SCN1A: variants seen among roughly 807,000 people sequenced by gnomAD.
SCN1A encodes sodium channel protein type 1 subunit alpha.
A neutral mutation model predicts 193.7 loss-of-function variants in SCN1A; 13 were observed. The ratio of observed to expected loss-of-function variants is 0.07; its 90% CI spans 0.04 to 0.11. The LOEUF (loss-of-function observed/expected upper bound fraction) is 0.11. Among genes scored for constraint, SCN1A ranks in the 10% least tolerant of loss-of-function variants. The pLI is 1.00. For missense variants in SCN1A, 1,432 were observed against 2,451.1 expected (o/e 0.58, Z 8.78); for synonymous variants, 781 against 843.6 (o/e 0.93, Z 1.29).
At chr2:166,017,496 A>T (rs1185520927) in intron 19 of SCN1A, among the ~76,000 whole-genome samples, 5 of 152,048 alleles carry the variant, frequency 3.3e-5, no homozygotes, top group African/African-American at 1.2e-4. Flanking sequence ...ACACAGATTC[A>T]TCATTTGGCC....
In SCN1A at chr2:166,036,427, T is replaced by G. The variant is rs1222978687; in HGVS notation, c.3050A>C (p.Asp1017Ala). ...ATAAGCTACTCCTTTGTGCATCCTA[T>G]CCACAGCAATTTGGAGATTATTCAT... Reference protein sequence around the residue: ...NEMNNLQIAVDRMHKGVAYVK... With the variant: ...NEMNNLQIAVARMHKGVAYVK... Residue 1017 changes from aspartate to alanine, a missense_variant, in exon 19 of 29, where the codon GAT becomes GCT. This residue lies in a region of SCN1A where 198 missense variants were observed against 225.8 expected (regional missense o/e 0.88). Transcript: ENST00000674923. 1 of 1,606,826 alleles carries G rather than the reference T, an allele frequency of 6.2e-7. No individual in the cohort carries two copies. Among genetic ancestry groups the G allele is most frequent in the Non-Finnish European group, 8.5e-7 (1 of 1,177,898 alleles).
Position 165,988,929 on chromosome 2 carries a change from A to G in SCN1A, c.*2316T>C, listed in dbSNP as rs1688776574. On this transcript the variant is annotated 3_prime_UTR_variant, in exon 29 of 29. Transcript: ENST00000674923. ...CCTCTGACACCAGTTCTTCCTCCTA[A>G]CAGAGAACACACCTGCTGCTTGTAA... 6.6e-6 allele frequency: 1 copy of G among 152,154 alleles called. No individual in the cohort carries two copies. The highest frequency in any genetic ancestry group is 6.6e-5 in the Admixed American group (1 of 15,214). The allele number at this position is 152,154 out of a possible 1,614,324, so 9.4% of individuals were successfully genotyped here.
intron 19 of SCN1A, among the ~76,000 whole-genome samples, chr2:166,032,056 T>A (rs1695628875): frequency 6.6e-6 from 1 of 152,070 alleles, no homozygotes; most frequent in Non-Finnish European, 1.5e-5. Flanking sequence ...AATGATGCAT[T>A]GTAGATAAGT....
At chr2:166,104,058 C>T (rs536536893) in intron 2 of SCN1A, among the ~76,000 whole-genome samples, 1 of 152,160 alleles carries the variant, frequency 6.6e-6, no homozygotes, top group Non-Finnish European at 1.5e-5. Context: ...AATAAAAGAA[C>T]CACTGAGTGA....
In SCN1A at chr2:165,987,940, A is replaced by G. The variant is rs1006269026; in HGVS notation, c.*3305T>C. The G allele has an allele frequency of 2.0e-5, 3 of 152,004 alleles. No homozygotes were observed. Among genetic ancestry groups the G allele is most frequent in the African/African-American group, 7.2e-5 (3 of 41,382 alleles). The allele number at this position is 152,004 out of a possible 1,614,324, so 9.4% of individuals were successfully genotyped here. ...TTTTTTTCAGCTACTAATATATCAG[A>G]ATTAATTGTTGTGTTGCTTTAGGAT... On this transcript the variant is annotated 3_prime_UTR_variant, in exon 29 of 29. Coordinates refer to ENST00000674923, the MANE Select transcript of SCN1A (RefSeq NM_001165963.4).
intron 5 of SCN1A, among the ~76,000 whole-genome samples, chr2:166,058,242 A>C (rs1699314775): frequency 6.6e-6 from 1 of 152,118 alleles, no homozygotes; most frequent in Admixed American, 6.6e-5. Context: ...CTACACCATC[A>C]CAAACTTTGT....
intron 2 of SCN1A, among the ~76,000 whole-genome samples, chr2:166,082,165 A>G (rs1328618683): frequency 6.6e-6 from 1 of 152,036 alleles, no homozygotes; most frequent in Non-Finnish European, 1.5e-5. Flanking sequence ...GATTTAAAAA[A>G]CAGAGATTAG....
intron 4 of SCN1A, among the ~76,000 whole-genome samples, chr2:166,064,066 G>A (rs1329868883): frequency 6.6e-6 from 1 of 151,940 alleles, no homozygotes; most frequent in Non-Finnish European, 1.5e-5. Context: ...TAATAACCCT[G>A]GTAATTAACA....
At chr2:165,996,775 A>G (rs963382035) in intron 26 of SCN1A, among the ~76,000 whole-genome samples, 3 of 151,346 alleles carry the variant, frequency 2.0e-5, no homozygotes, top group Non-Finnish European at 3.0e-5. Context: ...TTGAGGGGAG[A>G]ATGTTCTGTA....
At chr2:166,046,733 G>C in intron 12 of SCN1A, 37 bp downstream of exon 12, 1 of 1,598,582 alleles carries the variant, frequency 6.3e-7, no homozygotes, top group Non-Finnish European at 8.6e-7. Context: ...CAATCAGAAC[G>C]ATAAAAGGTC....
At chr2:166,020,688 G>C (rs886077462) in intron 19 of SCN1A, among the ~76,000 whole-genome samples, 1 of 152,030 alleles carries the variant, frequency 6.6e-6, no homozygotes, top group Admixed American at 6.5e-5. Flanking sequence ...CCCCCACATA[G>C]ATACATGTAC....
chr2:166,002,833 G>C (rs1390707596), intron 23 of SCN1A, 80 bp from the exon 24 acceptor site: 2 of 1,167,218 alleles, frequency 1.7e-6, no homozygotes, highest in Non-Finnish European at 2.4e-6. Flanking sequence ...GTAATCTCTG[G>C]TCTTTCCATT....
At position 165,996,079 on chromosome 2, in the gene SCN1A, C is replaced by A; in HGVS notation, c.4515G>T (p.Lys1505Asn). 6.2e-7 allele frequency: 1 copy of A among 1,608,374 alleles called. No individual in the cohort carries two copies. The change falls in exon 27 of 29, where the codon AAG becomes AAT. Residue 1505 changes from lysine (K) to asparagine (N), a missense_variant. Lys to Asn is a moderately conservative substitution (Grantham distance 94). Coordinates refer to ENST00000674923, the MANE Select transcript of SCN1A (RefSeq NM_001165963.4). ...GQDIFMTEEQ[K>N]KYYNAMKKLG... Reference sequence around the variant, plus strand: ...ATTTTTTCATTGCATTATAGTATTTCTTCTGTTCTTCTGTCATAAAGATGT... The same window carrying A: ...ATTTTTTCATTGCATTATAGTATTTATTCTGTTCTTCTGTCATAAAGATGT...
chr2:166,068,772 A>G (rs9287864), intron 4 of SCN1A, among the ~76,000 whole-genome samples: 43,071 of 152,074 alleles, frequency 0.28, 6,460 homozygotes, highest in Non-Finnish European at 0.34. Flanking sequence ...ATAGCAAGAG[A>G]GAATAAGTTA....
At chr2:166,006,237 C>A (rs1195113598) in intron 23 of SCN1A, among the ~76,000 whole-genome samples, 1 of 151,188 alleles carries the variant, frequency 6.6e-6, no homozygotes, top group Non-Finnish European at 1.5e-5. Context: ...ATAATAGAAT[C>A]TTTCTTAAAA....
chr2:166,030,896 A>G (rs1432419577), intron 19 of SCN1A, among the ~76,000 whole-genome samples: 1 of 152,118 alleles, frequency 6.6e-6, no homozygotes, highest in Non-Finnish European at 1.5e-5. Context: ...GGGAGATAAG[A>G]TTTTATATTG....
Position 166,054,720 on chromosome 2 carries a change from T to C in SCN1A, c.520A>G (p.Ile174Val). ...IYTFESLIKI[I>V]ARGFCLEDFT... is the part of the protein sequence containing the mutation. ...TCTTCTAAACAGAATCCCCTTGCAA[T>C]AATTTTTATAAGTGATTCAAAAGTA... Residue 174 changes from isoleucine to valine, a missense_variant, in exon 7 of 29, where the codon ATT becomes GTT. Physicochemically the swap from Ile to Val is conservative, Grantham distance 29. Around this residue, in one of 18 missense-constraint regions of SCN1A, gnomAD observed 123 missense variants for 282.8 expected, o/e 0.43. Transcript: ENST00000674923. 3 of 1,611,410 alleles carry C rather than the reference T, an allele frequency of 1.9e-6. No homozygotes were observed. The highest frequency in any genetic ancestry group is 2.5e-6 in the Non-Finnish European group (3 of 1,178,132).
intron 1 of SCN1A, chr2:166,137,620 C>T (rs1353138393): frequency 1.3e-5 from 2 of 152,316 alleles, no homozygotes; most frequent in African/African-American, 2.4e-5. Context: ...TGAAGCCTCC[C>T]CAGCCATTTG....
chr2:166,002,376 T>A (rs1331032966), intron 24 of SCN1A, 96 bp downstream of exon 24: 1 of 1,269,504 alleles, frequency 7.9e-7, no homozygotes, highest in African/African-American at 1.5e-5. Context: ...GAAAGAAATA[T>A]ATACTTTTTC....
Sources: gnomAD v4.1 joint callset for allele counts (sites outside exome capture counted in the v4.1 genomes callset) on GRCh38, gnomAD v4.1.1 for gene constraint, gnomAD v4.1.1 regional missense constraint, MANE v1.5 for transcripts, NCBI Gene and HGNC (gene_info 2026-07-23, HGNC 2026-07-21) for gene names.